Variants in ZNF169 observed in about 807,000 individuals in gnomAD.
ZNF169 encodes the protein zinc finger protein 169.
Under a neutral mutation model 12.0 loss-of-function variants are expected in ZNF169, and 11 were observed. That is an observed-to-expected ratio of 0.92 (90% CI 0.58 to 1.52). The LOEUF (loss-of-function observed/expected upper bound fraction) is 1.52, where lower values mean the gene tolerates loss of function less well. ZNF169 is among the 40% of genes most tolerant of loss of function. The pLI is 0.00. For missense variants in ZNF169, 722 were observed against 744.0 expected (o/e 0.97, Z 0.34); for synonymous variants, 302 against 286.5 (o/e 1.05, Z -0.55).
At chr9:94,270,298 G>C (rs1830365971) in intron 1 of ZNF169, among the ~76,000 whole-genome samples, 1 of 151,988 alleles carries the variant, frequency 6.6e-6, no homozygotes, top group Admixed American at 6.6e-5. Context: ...TACCTGCCCT[G>C]ATTGATGTAA....
chr9:94,276,467 T>C (rs1440006433), intron 1 of ZNF169, among the ~76,000 whole-genome samples: 1 of 152,112 alleles, frequency 6.6e-6, no homozygotes, highest in Non-Finnish European at 1.5e-5. Context: ...GGTTCCACCA[T>C]GTTGACCAGG....
chr9:94,275,337 G>A (rs1255056315), intron 1 of ZNF169, among the ~76,000 whole-genome samples: 1 of 152,088 alleles, frequency 6.6e-6, no homozygotes, highest in Non-Finnish European at 1.5e-5. Context: ...TGTAAGTTGG[G>A]GACTGTAGTC....
chr9:94,288,576 T>C, intron 2 of ZNF169: 1 of 449,792 alleles, frequency 2.2e-6, no homozygotes, highest in Admixed American at 2.8e-5. Context: ...GGCAACAGGC[T>C]CAGAGGCAGC....
At chr9:94,266,473 GC>G (rs1830296100) in intron 1 of ZNF169, among the ~76,000 whole-genome samples, 1 of 152,166 alleles carries the variant, frequency 6.6e-6, no homozygotes, top group African/African-American at 2.4e-5. Context: ...GGGCATAGAG[GC>G]AGCGCCTGCT....
intron 2 of ZNF169, chr9:94,288,477 G>T: frequency 1.1e-6 from 1 of 875,662 alleles, no homozygotes; most frequent in Non-Finnish European, 1.8e-6. Context: ...GCTTTATTAA[G>T]CCAAATCCAT....
At chr9:94,289,257 G>A (rs1055050152) in intron 2 of ZNF169, among the ~76,000 whole-genome samples, 1 of 151,880 alleles carries the variant, frequency 6.6e-6, no homozygotes, top group Non-Finnish European at 1.5e-5. Context: ...AAATTAGCCA[G>A]GTGTGGTGAT....
At chr9:94,261,420 G>A (rs1438703589) in intron 1 of ZNF169, among the ~76,000 whole-genome samples, 3 of 152,178 alleles carry the variant, frequency 2.0e-5, no homozygotes, top group Non-Finnish European at 2.9e-5. Context: ...TTACAAGCGT[G>A]AGCCACTGCG....
chr9:94,301,604 C>T lies in ZNF169; in HGVS notation c.*234C>T. ...AAATATATTTTCATATTTATGGAGG[C>T]TGGAAGTCCCAGATGAACGTATTGG... On this transcript the variant is annotated 3_prime_UTR_variant, in exon 5 of 5. Transcript: ENST00000395395. The T allele has an allele frequency of 1.3e-6, 1 of 775,866 alleles. No homozygotes were observed. Among genetic ancestry groups the T allele is most frequent in the Non-Finnish European group, 1.9e-6 (1 of 531,774 alleles). The allele number at this position is 775,866 out of a possible 1,614,324, so 48.1% of individuals were successfully genotyped here.
At chr9:94,297,863 G>C (rs1830982305) in intron 4 of ZNF169, among the ~76,000 whole-genome samples, 1 of 152,106 alleles carries the variant, frequency 6.6e-6, no homozygotes. Flanking sequence ...TCTGATCAAT[G>C]CTCTTAAAAA....
chr9:94,270,985 TACAA>T (rs1306113605), intron 1 of ZNF169, among the ~76,000 whole-genome samples: 1 of 8,148 alleles, frequency 1.2e-4, no homozygotes, highest in Non-Finnish European at 1.9e-4. Flanking sequence ...TATATAAATA[TACAA>T]ATAATATATT....
In ZNF169 at chr9:94,277,926, C is replaced by T. The variant is rs1238887159; in HGVS notation, c.-55-832C>T. Among the ~76,000 whole-genome samples the T allele has an allele frequency of 5.6e-5, 8 of 143,066 alleles. No homozygotes were observed. In the South Asian group the frequency reaches 9.1e-4, roughly 16 times the overall value. The allele number at this position is 143,066 out of a possible 152,430, so 93.9% of individuals were successfully genotyped here. A position where few individuals can be genotyped will look rare whatever the true frequency, so the allele number is the denominator to read the frequency against. On this transcript the variant is annotated intron_variant, in intron 1 of 4. Coordinates refer to ENST00000395395, the MANE Select transcript of ZNF169 (RefSeq NM_194320.4). ...CCGCCTGGGCCACAGAGCGAGACTC[C>T]GACTCAAAAAAAAAAAGAAAAAAGA...
At chr9:94,261,808 A>T (rs1485204354) in intron 1 of ZNF169, among the ~76,000 whole-genome samples, 1 of 152,216 alleles carries the variant, frequency 6.6e-6, no homozygotes, top group East Asian at 1.9e-4. Context: ...TTCAAATGTC[A>T]TATCATTTCA....
At chr9:94,290,778 T>G (rs1299335013) in intron 2 of ZNF169, among the ~76,000 whole-genome samples, 1 of 152,160 alleles carries the variant, frequency 6.6e-6, no homozygotes, top group East Asian at 1.9e-4. Flanking sequence ...TGGGGGTATA[T>G]TCCTAGGAGT....
intron 1 of ZNF169, among the ~76,000 whole-genome samples, chr9:94,261,626 TACC>T (rs1252858919): frequency 6.6e-6 from 1 of 152,234 alleles, no homozygotes; most frequent in Non-Finnish European, 1.5e-5. Context: ...TAGGGGTCTA[TACC>T]AGGATTTGGT....
intron 4 of ZNF169, among the ~76,000 whole-genome samples, chr9:94,297,895 G>A (rs574622987): frequency 3.3e-5 from 5 of 152,088 alleles, no homozygotes; most frequent in African/African-American, 4.8e-5. Context: ...GGCTGGGCGC[G>A]GTGGCTCACG....
intron 1 of ZNF169, among the ~76,000 whole-genome samples, chr9:94,260,036 C>G (rs915921965): frequency 6.6e-5 from 10 of 151,782 alleles, no homozygotes; most frequent in Non-Finnish European, 1.5e-4. Context: ...GTCAGCCTCC[C>G]GAGCAGCTGG....
At chr9:94,280,815 C>T (rs138460765) in intron 2 of ZNF169, among the ~76,000 whole-genome samples, 166 of 152,086 alleles carry the variant, frequency 1.1e-3, no homozygotes, top group African/African-American at 3.6e-3. Flanking sequence ...GGTAGTTTGA[C>T]GGAAGGGCGG....
chr9:94,288,053 C>G (rs1830752286), intron 2 of ZNF169: 6 of 782,440 alleles, frequency 7.7e-6, no homozygotes, highest in South Asian at 4.1e-5. Context: ...CACTGTTGCT[C>G]TAGGTCACTC....
intron 1 of ZNF169, among the ~76,000 whole-genome samples, chr9:94,260,206 C>T (rs1830176135): frequency 6.6e-6 from 1 of 152,232 alleles, no homozygotes; most frequent in Non-Finnish European, 1.5e-5. Context: ...GCGCACGCCA[C>T]CACGCCCGGC....
Sources: gnomAD v4.1 joint callset for allele counts (sites outside exome capture counted in the v4.1 genomes callset) on GRCh38, gnomAD v4.1.1 for gene constraint, MANE v1.5 for transcripts, NCBI Gene and HGNC (gene_info 2026-07-23, HGNC 2026-07-21) for gene names.